The following KAZN variants were observed in gnomAD, a reference collection of about 807,000 sequenced individuals.
KAZN encodes kazrin, periplakin interacting protein, also known as kazrin.
In KAZN, 40 loss-of-function variants were observed where a neutral mutation model predicts 87.4. The ratio of observed to expected loss-of-function variants is 0.46; its 90% CI spans 0.36 to 0.60. The LOEUF is 0.60. Ranked by LOEUF, KAZN falls within the 20% of genes least tolerant of loss-of-function variation. KAZN has a pLI of 0.00. For missense variants in KAZN, 898 were observed against 1,073.9 expected, an observed-to-expected ratio of 0.84 and a Z score of 2.29; for synonymous variants, 466 against 458.3, an observed-to-expected ratio of 1.02 and a Z score of -0.22.
chr1:13,923,962 C>T (rs1344679119), intron 1 of KAZN, among the ~76,000 whole-genome samples: 1 of 151,548 alleles, frequency 6.6e-6, no homozygotes, highest in African/African-American at 2.4e-5. Flanking sequence ...TGCGGGTCTC[C>T]CCTGGATGGC....
intron 2 of KAZN, among the ~76,000 whole-genome samples, chr1:14,539,721 A>T (rs529035616): frequency 6.6e-6 from 1 of 151,262 alleles, no homozygotes; most frequent in Non-Finnish European, 1.5e-5. Context: ...AGTTTGATGA[A>T]AAAAAAAACG....
intron 1 of KAZN, among the ~76,000 whole-genome samples, chr1:14,886,885 G>A (rs1572733288): frequency 6.6e-6 from 1 of 152,274 alleles, no homozygotes; most frequent in Non-Finnish European, 1.5e-5. Flanking sequence ...TGTTTATTTA[G>A]TCGTTAAGAG....
intron 1 of KAZN, among the ~76,000 whole-genome samples, chr1:14,615,012 G>A (rs904868695): frequency 1.3e-5 from 2 of 152,256 alleles, no homozygotes; most frequent in African/African-American, 4.8e-5. Flanking sequence ...CAGGTAGAAT[G>A]TGTGTGATGT....
At chr1:14,505,564 A>T (rs1440779634) in intron 2 of KAZN, among the ~76,000 whole-genome samples, 1 of 152,144 alleles carries the variant, frequency 6.6e-6, no homozygotes, top group Non-Finnish European at 1.5e-5. Flanking sequence ...GATCAAATAA[A>T]TTTGATTACT....
chr1:14,747,596 A>T (rs1644296787), intron 1 of KAZN, among the ~76,000 whole-genome samples: 1 of 152,206 alleles, frequency 6.6e-6, no homozygotes. Flanking sequence ...ACATTTTAAA[A>T]TCCATTCATC....
chr1:14,415,745 GCCTTCCCTTC>G (rs769391420), intron 2 of KAZN, among the ~76,000 whole-genome samples: 1 of 152,086 alleles, frequency 6.6e-6, no homozygotes, highest in African/African-American at 2.4e-5. Flanking sequence ...AGGACATTTT[GCCTTCCCTTC>G]CCTTCCCTGA....
At chr1:13,954,672 G>T (rs767969823) in intron 1 of KAZN, among the ~76,000 whole-genome samples, 16 of 152,160 alleles carry the variant, frequency 1.1e-4, no homozygotes, top group Non-Finnish European at 2.4e-4. Context: ...TGCCCTAAAA[G>T]AAAAGCAAGC....
intron 2 of KAZN, among the ~76,000 whole-genome samples, chr1:14,271,551 G>A (rs189418738): frequency 1.3e-3 from 201 of 152,280 alleles, no homozygotes; most frequent in Non-Finnish European, 2.3e-3. Context: ...CTCAGGACTG[G>A]AAATATAACT....
At chr1:14,929,944 T>C (rs976058082) in intron 1 of KAZN, 4 of 985,318 alleles carry the variant, frequency 4.1e-6, no homozygotes, top group Non-Finnish European at 4.8e-6. Flanking sequence ...AGGATATCAA[T>C]TGTGGCAATT....
In KAZN at chr1:14,340,887, C is replaced by CTTTTTTTTTTTTT. The variant is rs1557650364; in HGVS notation, c.249+160295_249+160296insTTTTTTTTTTTTT. Among the ~76,000 whole-genome samples the CTTTTTTTTTTTTT allele has an allele frequency of 5.4e-3, 244 of 45,050 alleles. 4 individuals carry two copies. Among genetic ancestry groups the CTTTTTTTTTTTTT allele is most frequent in the African/African-American group, 0.029 (236 of 8,200 alleles). The allele number at this position is 45,050 out of a possible 152,430, so 29.6% of individuals were successfully genotyped here. On this transcript the variant is annotated intron_variant, in intron 2 of 16. Coordinates refer to the KAZN transcript ENST00000636203. ...TATCTCCGTAAGGGTCATGATTTTC[C>CTTTTTTTTTTTTT]CTTTTTTTTTTTTTTTTTGAGATGG...
At chr1:14,695,566 C>A (rs548810985) in intron 1 of KAZN, among the ~76,000 whole-genome samples, 1 of 133,868 alleles carries the variant, frequency 7.5e-6, no homozygotes. Flanking sequence ...AGTGCAGTGG[C>A]GCAATCTCGG....
intron 1 of KAZN, among the ~76,000 whole-genome samples, chr1:13,896,531 A>C (rs1274089797): frequency 2.0e-5 from 3 of 152,076 alleles, no homozygotes; most frequent in Non-Finnish European, 2.9e-5. Flanking sequence ...GGCTCAAGCG[A>C]TCCTTCTGTC....
chr1:14,022,880 C>T (rs1316354595), intron 1 of KAZN, among the ~76,000 whole-genome samples: 2 of 152,104 alleles, frequency 1.3e-5, no homozygotes, highest in African/African-American at 4.8e-5. Flanking sequence ...GGGTTTAAAC[C>T]CCATTTCTAC....
rs111585366 is a variant in KAZN, at chr1:14,616,175, T to C, written c.226+16952T>C. On this transcript the variant is annotated intron_variant, in intron 1 of 14. Transcript: ENST00000376030. ...AGAAACTGAGGCTGGAGAGCGCAAG[T>C]GAGTCTGCTGAGGCTATACAGCACT... Among the ~76,000 whole-genome samples, 252 of 152,298 alleles carry C rather than the reference T, an allele frequency of 1.7e-3. 2 individuals carry two copies. Among genetic ancestry groups the C allele is most frequent in the African/African-American group, 5.7e-3 (238 of 41,578 alleles).
chr1:14,884,266 C>T (rs1369039873), intron 1 of KAZN, among the ~76,000 whole-genome samples: 1 of 152,048 alleles, frequency 6.6e-6, no homozygotes, highest in African/African-American at 2.4e-5. Flanking sequence ...GTGGCGGGCA[C>T]CTGTAGTCCC....
At chr1:14,038,701 G>A (rs1368061020) in intron 1 of KAZN, among the ~76,000 whole-genome samples, 2 of 152,316 alleles carry the variant, frequency 1.3e-5, no homozygotes, top group Admixed American at 6.5e-5. Context: ...AGGAAACCTT[G>A]CCTTAGGTCA....
At chr1:14,394,684 C>T (rs762016088) in intron 2 of KAZN, among the ~76,000 whole-genome samples, 1 of 152,196 alleles carries the variant, frequency 6.6e-6, no homozygotes, top group Non-Finnish European at 1.5e-5. Flanking sequence ...TCATTCTTTC[C>T]CTCCACTGAA....
At chr1:14,163,009 C>T (rs76574011) in intron 1 of KAZN, among the ~76,000 whole-genome samples, 4,383 of 151,960 alleles carry the variant, frequency 0.029, 212 homozygotes, top group African/African-American at 0.1. Context: ...GCTTATCTCT[C>T]TTCTCTTCCA....
intron 1 of KAZN, among the ~76,000 whole-genome samples, chr1:13,967,907 A>T (rs1642002090): frequency 6.6e-6 from 1 of 152,170 alleles, no homozygotes; most frequent in Non-Finnish European, 1.5e-5. Flanking sequence ...TCCAACACAG[A>T]TGGGCAGCAA....
Sources: gnomAD v4.1 joint callset for allele counts (sites outside exome capture counted in the v4.1 genomes callset) on GRCh38, gnomAD v4.1.1 for gene constraint, MANE v1.5 for transcripts, NCBI Gene and HGNC (gene_info 2026-07-23, HGNC 2026-07-21) for gene names.